The following ADGRL2 variants were observed in gnomAD, a reference collection of about 807,000 sequenced individuals.
The protein encoded by ADGRL2 is adhesion G protein-coupled receptor L2, also known as calcium-independent alpha-latrotoxin receptor 2.
In ADGRL2, 44 loss-of-function variants were observed where a neutral mutation model predicts 157.4. The ratio of observed to expected loss-of-function variants is 0.28; its 90% CI spans 0.22 to 0.36. ADGRL2 has a LOEUF of 0.36. ADGRL2 is among the 10% of genes least tolerant of loss of function. ADGRL2 has a pLI of 1.00. For missense variants in ADGRL2, 1,510 were observed against 1,768.9 expected (o/e 0.85, Z 2.63); for synonymous variants, 585 against 624.7 (o/e 0.94, Z 0.95).
At chr1:81,820,799 A>G (rs978700663) in intron 1 of ADGRL2, among the ~76,000 whole-genome samples, 1 of 152,128 alleles carries the variant, frequency 6.6e-6, no homozygotes, top group Non-Finnish European at 1.5e-5. Context: ...ATTATGTAAA[A>G]AAGATCAGTA....
chr1:81,935,639 C>T (rs781250176), intron 3 of ADGRL2, among the ~76,000 whole-genome samples: 23 of 151,812 alleles, frequency 1.5e-4, no homozygotes, highest in Non-Finnish European at 2.7e-4. Flanking sequence ...ATGTGGTATT[C>T]CAACTGTTAC....
intron 2 of ADGRL2, among the ~76,000 whole-genome samples, chr1:81,563,161 G>T (rs893102209): frequency 5.9e-5 from 9 of 152,134 alleles, no homozygotes; most frequent in Non-Finnish European, 1.3e-4. Flanking sequence ...CAGAGGAAAT[G>T]GGCTCGTGTC....
chr1:81,643,872 C>A (rs959210790), intron 3 of ADGRL2, among the ~76,000 whole-genome samples: 3 of 152,094 alleles, frequency 2.0e-5, no homozygotes, highest in African/African-American at 7.2e-5. Flanking sequence ...CAAAATAATT[C>A]TGGCAAATTA....
intron 2 of ADGRL2, among the ~76,000 whole-genome samples, chr1:81,510,838 T>C (rs2079062778): frequency 2.0e-5 from 3 of 152,312 alleles, no homozygotes; most frequent in African/African-American, 7.2e-5. Context: ...TTTTTCAGGC[T>C]CCTTCTACGA....
chr1:81,818,242 T>C (rs2090619067), intron 1 of ADGRL2, among the ~76,000 whole-genome samples: 2 of 152,176 alleles, frequency 1.3e-5, no homozygotes, highest in Non-Finnish European at 2.9e-5. Flanking sequence ...GTATTTCATA[T>C]GTGGGTACAA....
chr1:81,828,399 T>G (rs2091677558), intron 1 of ADGRL2, among the ~76,000 whole-genome samples: 1 of 152,188 alleles, frequency 6.6e-6, no homozygotes, highest in Admixed American at 6.5e-5. Flanking sequence ...TTTATCATCA[T>G]TGGAAATGTT....
Position 81,970,363 on chromosome 1 carries a change from C to CT in ADGRL2, c.2787dup (p.Ala930CysfsTer16). 1 of 1,597,384 alleles carries CT rather than the reference C, an allele frequency of 6.3e-7. No homozygotes were observed. Among genetic ancestry groups the CT allele is most frequent in the Non-Finnish European group, 8.5e-7 (1 of 1,175,174 alleles). Reference sequence around the variant, plus strand: ...CTTCTACACTTTTTCTTTTTGGCAGCTTTTGCTTGGATGTGCCTAGAAGGT... The same window carrying CT: ...CTTCTACACTTTTTCTTTTTGGCAGCTTTTTGCTTGGATGTGCCTAGAAGGT... On this transcript the variant is annotated frameshift_variant, in exon 16 of 24. Coordinates refer to ENST00000686636, the MANE Select transcript of ADGRL2 (RefSeq NM_001366006.2). LOFTEE classifies it high-confidence loss of function.
At chr1:81,539,383 A>G (rs921330964) in intron 2 of ADGRL2, among the ~76,000 whole-genome samples, 1 of 152,210 alleles carries the variant, frequency 6.6e-6, no homozygotes, top group African/African-American at 2.4e-5. Context: ...GCTACAAGGC[A>G]TGTTAGCATC....
In ADGRL2 at chr1:81,945,357, G is replaced by C. The variant is rs571106217; in HGVS notation, c.1210+1588G>C. On this transcript the variant is annotated intron_variant, in intron 6 of 23. Transcript: ENST00000686636. ...GTTAACCTTTTTGTAGCCTGTATTA[G>C]TCTCACAGTTGTTAGATTTGTCTTG... Among the ~76,000 whole-genome samples, 6 of 151,962 alleles carry C rather than the reference G, an allele frequency of 3.9e-5. No individual in the cohort carries two copies. The East Asian group carries it at 1.2e-3, about 29-fold the overall frequency.
intron 1 of ADGRL2, chr1:81,722,136 A>G (rs1036838195): frequency 3.3e-5 from 12 of 360,300 alleles, no homozygotes; most frequent in South Asian, 2.0e-4. Flanking sequence ...ACTAAAAAAT[A>G]TAAAAAATTA....
At chr1:81,580,153 G>A (rs1042140660) in intron 2 of ADGRL2, among the ~76,000 whole-genome samples, 1 of 152,140 alleles carries the variant, frequency 6.6e-6, no homozygotes, top group African/African-American at 2.4e-5. Flanking sequence ...CCATAGAGAA[G>A]CCGTAATCCA....
chr1:81,680,582 C>A (rs948543731), intron 3 of ADGRL2, among the ~76,000 whole-genome samples: 2 of 151,908 alleles, frequency 1.3e-5, no homozygotes, highest in African/African-American at 4.8e-5. Context: ...CTAATGAAAT[C>A]AGATGGGGTA....
chr1:81,707,161 G>A (rs541740051), intron 1 of ADGRL2, among the ~76,000 whole-genome samples: 4 of 152,082 alleles, frequency 2.6e-5, no homozygotes, highest in East Asian at 1.9e-4. Flanking sequence ...GGTGGGTGGC[G>A]GTTAATGGGG....
intron 23 of ADGRL2, among the ~76,000 whole-genome samples, chr1:81,988,720 G>T (rs1010992263): frequency 6.6e-6 from 1 of 151,970 alleles, no homozygotes; most frequent in African/African-American, 2.4e-5. Context: ...GCCCAACAAT[G>T]ATCACATATT....
intron 1 of ADGRL2, among the ~76,000 whole-genome samples, chr1:81,370,546 T>A (rs1275770343): frequency 6.6e-6 from 1 of 152,142 alleles, no homozygotes; most frequent in Non-Finnish European, 1.5e-5. Context: ...ACCCACAACA[T>A]ACTTTTATAG....
intron 1 of ADGRL2, among the ~76,000 whole-genome samples, chr1:81,728,428 G>T (rs1557601422): frequency 1.3e-5 from 2 of 152,138 alleles, no homozygotes; most frequent in Admixed American, 6.5e-5. Context: ...GCAGGTATTT[G>T]TGTTTTACTA....
intron 3 of ADGRL2, among the ~76,000 whole-genome samples, chr1:81,681,528 C>T (rs1184123309): frequency 6.6e-6 from 1 of 152,164 alleles, no homozygotes; most frequent in Non-Finnish European, 1.5e-5. Context: ...GGTTATTGTG[C>T]TAATAATTGA....
chr1:81,383,693 G>A (rs1027830887), intron 1 of ADGRL2, among the ~76,000 whole-genome samples: 11 of 150,150 alleles, frequency 7.3e-5, no homozygotes, highest in Admixed American at 4.6e-4. Flanking sequence ...CCGGGTGCAC[G>A]GTGGCTCACA....
intron 1 of ADGRL2, among the ~76,000 whole-genome samples, chr1:81,393,356 G>A (rs373673118): frequency 0.014 from 1,808 of 132,184 alleles, 36 homozygotes; most frequent in African/African-American, 0.043. Flanking sequence ...ATGCCCCAGG[G>A]AAAAAAAAAA....
Sources: gnomAD v4.1 joint callset for allele counts (sites outside exome capture counted in the v4.1 genomes callset) on GRCh38, gnomAD v4.1.1 for gene constraint, MANE v1.5 for transcripts, NCBI Gene and HGNC (gene_info 2026-07-23, HGNC 2026-07-21) for gene names.